The following EXOC4 variants were observed in gnomAD, a reference collection of about 807,000 sequenced individuals.
EXOC4 encodes SEC8-like 1.
EXOC4 carries 71 observed loss-of-function variants against 107.2 expected under a neutral mutation model. The ratio of observed to expected loss-of-function variants is 0.66; its 90% CI spans 0.55 to 0.81. The LOEUF (loss-of-function observed/expected upper bound fraction) is 0.81. EXOC4 is among the 30% of genes least tolerant of loss of function. EXOC4 has a pLI of 0.00. For synonymous variants in EXOC4, 456 were observed against 441.2 expected, an observed-to-expected ratio of 1.03 and a Z score of -0.42; for missense variants, 1,108 against 1,189.6, an observed-to-expected ratio of 0.93 and a Z score of 1.01.
At chr7:133,855,042 T>TATATATCTAAATATATCTAA (rs61152921) in intron 11 of EXOC4, among the ~76,000 whole-genome samples, 12,322 of 75,374 alleles carry the variant, frequency 0.16, 1,630 homozygotes, top group South Asian at 0.34. Context: ...TCTAAATATA[T>TATATATCTAAATATATCTAA]ATATATCTAA....
chr7:133,679,812 T>A (rs985069377), intron 10 of EXOC4, among the ~76,000 whole-genome samples: 1 of 152,226 alleles, frequency 6.6e-6, no homozygotes. Flanking sequence ...AGATTGCTCA[T>A]AAATGGCCAT....
At chr7:133,685,847 A>G (rs1794286611) in intron 10 of EXOC4, among the ~76,000 whole-genome samples, 1 of 152,072 alleles carries the variant, frequency 6.6e-6, no homozygotes, top group Admixed American at 6.6e-5. Context: ...AATGTACATC[A>G]TACCTATTAA....
intron 11 of EXOC4, among the ~76,000 whole-genome samples, chr7:133,855,242 T>G (rs991696544): frequency 2.7e-5 from 4 of 149,426 alleles, no homozygotes; most frequent in African/African-American, 1.0e-4. Context: ...AGAGCACCTC[T>G]GCTGCTTTAT....
intron 4 of EXOC4, among the ~76,000 whole-genome samples, chr7:133,306,422 G>A (rs1011926132): frequency 9.2e-5 from 14 of 152,148 alleles, no homozygotes; most frequent in African/African-American, 3.4e-4. Flanking sequence ...TATTGGCTGG[G>A]TGCAGTGGCT....
At chr7:133,558,673 T>C (rs1368124305) in intron 9 of EXOC4, among the ~76,000 whole-genome samples, 1 of 152,212 alleles carries the variant, frequency 6.6e-6, no homozygotes, top group Admixed American at 6.5e-5. Context: ...TTAGTTTTTT[T>C]CCGTAGGCTG....
chr7:133,713,533 A>C (rs150537658), intron 10 of EXOC4, among the ~76,000 whole-genome samples: 6 of 152,220 alleles, frequency 3.9e-5, no homozygotes, highest in Admixed American at 1.3e-4. Flanking sequence ...AGACCAAAAA[A>C]TAAGTAAACA....
At chr7:133,987,367 G>T (rs1169992415) in intron 14 of EXOC4, among the ~76,000 whole-genome samples, 1 of 151,706 alleles carries the variant, frequency 6.6e-6, no homozygotes, top group East Asian at 1.9e-4. Flanking sequence ...GAGATGAGGT[G>T]GGAGGATTGC....
At chr7:134,043,579 C>A (rs1406123612) in intron 17 of EXOC4, among the ~76,000 whole-genome samples, 7 of 152,038 alleles carry the variant, frequency 4.6e-5, no homozygotes, top group Non-Finnish European at 1.0e-4. Flanking sequence ...CACCCACAGC[C>A]ACCTGGTTTG....
chr7:133,540,924 C>T (rs1800367245), intron 9 of EXOC4, among the ~76,000 whole-genome samples: 1 of 152,082 alleles, frequency 6.6e-6, no homozygotes, highest in Non-Finnish European at 1.5e-5. Flanking sequence ...TGAATCGAAG[C>T]ACTTCTTGCT....
chr7:133,663,736 C>T (rs1360268428), intron 10 of EXOC4, among the ~76,000 whole-genome samples: 4 of 152,092 alleles, frequency 2.6e-5, no homozygotes, highest in Non-Finnish European at 4.4e-5. Context: ...TAACTACTGC[C>T]CTGGTCTAAG....
intron 10 of EXOC4, among the ~76,000 whole-genome samples, chr7:133,749,713 C>T (rs1224362402): frequency 2.0e-5 from 3 of 152,108 alleles, no homozygotes; most frequent in African/African-American, 7.2e-5. Context: ...CTTGTTCAAT[C>T]TATGTCATAA....
intron 14 of EXOC4, among the ~76,000 whole-genome samples, chr7:133,941,373 G>A (rs1324077841): frequency 6.6e-6 from 1 of 152,118 alleles, no homozygotes; most frequent in African/African-American, 2.4e-5. Flanking sequence ...TTCATGTCAG[G>A]TATTACATTT....
intron 11 of EXOC4, among the ~76,000 whole-genome samples, chr7:133,862,724 A>C (rs1042118899): frequency 6.6e-6 from 1 of 152,208 alleles, no homozygotes; most frequent in African/African-American, 2.4e-5. Context: ...TACTATATAC[A>C]TATACATGCA....
chr7:133,877,279 T>G (rs1798869839), intron 11 of EXOC4, among the ~76,000 whole-genome samples: 1 of 152,234 alleles, frequency 6.6e-6, no homozygotes, highest in Admixed American at 6.5e-5. Context: ...TAACTGATTT[T>G]ACTTCTCCTC....
At chr7:133,437,829 A>T (rs1480556759) in intron 7 of EXOC4, among the ~76,000 whole-genome samples, 5 of 152,152 alleles carry the variant, frequency 3.3e-5, no homozygotes. Context: ...TAATTATACA[A>T]ATATGTCTTT....
At chr7:134,011,795 A>C (rs1794771255) in intron 17 of EXOC4, among the ~76,000 whole-genome samples, 1 of 151,950 alleles carries the variant, frequency 6.6e-6, no homozygotes, top group Non-Finnish European at 1.5e-5. Context: ...TAAAAAAAAA[A>C]AAAAAGAGTA....
chr7:133,287,318 T>C (rs1794303594), intron 2 of EXOC4, among the ~76,000 whole-genome samples: 1 of 151,798 alleles, frequency 6.6e-6, no homozygotes, highest in South Asian at 2.1e-4. Flanking sequence ...TATATATGTA[T>C]ATTTTTTTTT....
At chr7:133,534,976 C>T (rs1360406729) in intron 9 of EXOC4, among the ~76,000 whole-genome samples, 2 of 152,062 alleles carry the variant, frequency 1.3e-5, no homozygotes, top group African/African-American at 2.4e-5. Context: ...ATGTTTTGTG[C>T]CTATGAGGCA....
Position 133,634,865 on chromosome 7 carries a change from C to T in EXOC4, c.1514+4724C>T, listed in dbSNP as rs539066445. Among the ~76,000 whole-genome samples, 30 of 152,230 alleles carry T rather than the reference C, an allele frequency of 2.0e-4. No homozygotes were observed. In the South Asian group the frequency reaches 4.6e-3, roughly 23 times the overall value. ...TAAAACAAAGGTTTCTAGCCATGCC[C>T]GGATAGATTCTGAAATACTTTCCCT... On this transcript the variant is annotated intron_variant, in intron 10 of 17. Transcript: ENST00000253861.
Sources: allele counts gnomAD v4.1 joint callset (sites outside exome capture counted in the v4.1 genomes callset), GRCh38; gene constraint gnomAD v4.1.1; transcripts MANE v1.5; gene names NCBI Gene and HGNC (gene_info 2026-07-23, HGNC 2026-07-21).